LHFPL3: variants seen among roughly 807,000 people sequenced by gnomAD.
LHFPL3 encodes LHFPL tetraspan subfamily member 3 protein.
Under a neutral mutation model 19.3 loss-of-function variants are expected in LHFPL3, and 5 were observed. The ratio of observed to expected loss-of-function variants is 0.26; its 90% CI spans 0.14 to 0.54. LHFPL3 has a LOEUF of 0.54. Ranked by LOEUF, LHFPL3 falls within the 20% of genes least tolerant of loss-of-function variation. The probability of loss-of-function intolerance (pLI) is 0.94; values close to 1 mark genes in which losing one functional copy is unlikely to be tolerated. For synonymous variants in LHFPL3, 133 were observed against 126.2 expected, an observed-to-expected ratio of 1.05 and a Z score of -0.36; for missense variants, 249 against 307.4, an observed-to-expected ratio of 0.81 and a Z score of 1.42.
chr7:104,647,391 C>T (rs1235427995), intron 1 of LHFPL3, among the ~76,000 whole-genome samples: 1 of 152,164 alleles, frequency 6.6e-6, no homozygotes, highest in Admixed American at 6.5e-5. Flanking sequence ...GAAAAGTATT[C>T]ATCCAGCCTC....
rs532413261 is a variant in LHFPL3, at chr7:104,821,131, G to T, written c.682+84220G>T. Among the ~76,000 whole-genome samples, 13 of 152,286 alleles carry T rather than the reference G, an allele frequency of 8.5e-5. 1 individual carries two copies. In the South Asian group the frequency reaches 2.5e-3, roughly 29 times the overall value. ...CATGCTTTCTGCTTTTAAAAAAAAT[G>T]TCGTTATGTAGTGTTCAATTTTTTA... On this transcript the variant is annotated intron_variant, in intron 2 of 2. Coordinates refer to ENST00000424859, the MANE Select transcript of LHFPL3 (RefSeq NM_199000.3).
intron 1 of LHFPL3, among the ~76,000 whole-genome samples, chr7:104,697,314 A>G (rs1295919336): frequency 6.6e-6 from 1 of 152,220 alleles, no homozygotes; most frequent in African/African-American, 2.4e-5. Context: ...CTTCTGAGCA[A>G]AGATTTATTA....
At chr7:104,329,873 A>G (rs965480055) in intron 1 of LHFPL3, among the ~76,000 whole-genome samples, 2 of 152,236 alleles carry the variant, frequency 1.3e-5, no homozygotes, top group Non-Finnish European at 2.9e-5. Context: ...TCAAGTCTTC[A>G]GTTTGCCTCC....
Position 104,907,306 on chromosome 7 carries a change from ATAATT to A in LHFPL3, c.*1096_*1100del, listed in dbSNP as rs1792639801. 1 of 152,372 alleles carries A rather than the reference ATAATT, an allele frequency of 6.6e-6. No individual in the cohort carries two copies. Among genetic ancestry groups the A allele is most frequent in the Non-Finnish European group, 1.5e-5 (1 of 68,012 alleles). 9.4% of individuals were successfully genotyped at this position (152,372 alleles called of 1,614,324 possible). A position where few individuals can be genotyped will look rare whatever the true frequency, so the allele number is the denominator to read the frequency against. ...GTAAGTGGTACTAACAAAATAAATA[ATAATT>A]TAATAGCCTTAGAAATAAATGACTG... On this transcript the variant is annotated 3_prime_UTR_variant, in exon 3 of 3. Transcript: ENST00000424859.
At chr7:104,824,029 C>T (rs889364375) in intron 2 of LHFPL3, among the ~76,000 whole-genome samples, 11 of 145,236 alleles carry the variant, frequency 7.6e-5, no homozygotes, top group Non-Finnish European at 1.5e-4. Context: ...GCCTATAATC[C>T]CAGCTACTCG....
chr7:104,716,077 G>A (rs563029900), intron 1 of LHFPL3, among the ~76,000 whole-genome samples: 2 of 152,304 alleles, frequency 1.3e-5, no homozygotes, highest in South Asian at 2.1e-4. Context: ...GGCCAGGCAC[G>A]CTGGCTCATG....
intron 1 of LHFPL3, among the ~76,000 whole-genome samples, chr7:104,723,290 A>G (rs569838464): frequency 7.2e-5 from 11 of 152,284 alleles, no homozygotes; most frequent in Non-Finnish European, 1.2e-4. Context: ...GATACCTAAA[A>G]TTGAAATCAT....
At chr7:104,648,832 G>C (rs1479034259) in intron 1 of LHFPL3, among the ~76,000 whole-genome samples, 1 of 152,158 alleles carries the variant, frequency 6.6e-6, no homozygotes, top group Non-Finnish European at 1.5e-5. Context: ...CTGGCCTATG[G>C]CACAATTCTC....
intron 1 of LHFPL3, among the ~76,000 whole-genome samples, chr7:104,648,955 G>A (rs1330777084): frequency 6.6e-6 from 1 of 152,200 alleles, no homozygotes; most frequent in Non-Finnish European, 1.5e-5. Context: ...ACCATAGGAA[G>A]CTCTATGGAC....
intron 1 of LHFPL3, among the ~76,000 whole-genome samples, chr7:104,706,759 A>G (rs1443881049): frequency 1.3e-5 from 2 of 152,184 alleles, no homozygotes; most frequent in Non-Finnish European, 2.9e-5. Flanking sequence ...TTATATGGGA[A>G]AAGGTTTTCT....
At chr7:104,818,914 G>C (rs1442610366) in intron 2 of LHFPL3, among the ~76,000 whole-genome samples, 2 of 151,796 alleles carry the variant, frequency 1.3e-5, no homozygotes, top group African/African-American at 4.8e-5. Flanking sequence ...ATCTCTGGTA[G>C]TGCCATCATA....
rs139505615 is a variant in LHFPL3 at position 104,553,613 on chromosome 7, A to G, written c.446-183062A>G. Among the ~76,000 whole-genome samples the G allele has an allele frequency of 3.0e-3, 451 of 152,254 alleles. 9 individuals carry two copies. The highest frequency in any genetic ancestry group is 0.027 in the Admixed American group (407 of 15,280). On this transcript the variant is annotated intron_variant, in intron 1 of 2. Coordinates refer to ENST00000424859, the MANE Select transcript of LHFPL3 (RefSeq NM_199000.3). ...AGCAGTTTAAACTCATCTATTTCCC[A>G]TTTCTCTTTTCAGTTGAACTTTTCT...
chr7:104,570,287 G>C (rs1375439413), intron 1 of LHFPL3, among the ~76,000 whole-genome samples: 2 of 152,094 alleles, frequency 1.3e-5, no homozygotes, highest in Non-Finnish European at 2.9e-5. Context: ...ACCCCTCCTG[G>C]TGGCACCACA....
chr7:104,670,738 A>C (rs1792461350), intron 1 of LHFPL3, among the ~76,000 whole-genome samples: 1 of 152,150 alleles, frequency 6.6e-6, no homozygotes, highest in African/African-American at 2.4e-5. Context: ...AGGGACAGGG[A>C]CAGTTAAATT....
intron 1 of LHFPL3, among the ~76,000 whole-genome samples, chr7:104,398,351 G>A (rs1791236404): frequency 1.3e-5 from 2 of 152,150 alleles, no homozygotes; most frequent in South Asian, 4.1e-4. Flanking sequence ...ACCTGAATGA[G>A]GAAACACAGA....
At chr7:104,875,149 A>G (rs1791912701) in intron 2 of LHFPL3, among the ~76,000 whole-genome samples, 1 of 152,062 alleles carries the variant, frequency 6.6e-6, no homozygotes, top group South Asian at 2.1e-4. Context: ...GCAGCCCTAT[A>G]TGGTGGTTCT....
At chr7:104,559,904 T>G (rs1318670114) in intron 1 of LHFPL3, among the ~76,000 whole-genome samples, 1 of 147,944 alleles carries the variant, frequency 6.8e-6, no homozygotes, top group Non-Finnish European at 1.5e-5. Context: ...TGTTGAATTT[T>G]GTCAAAGGCT....
At chr7:104,365,796 A>G (rs867876730) in intron 1 of LHFPL3, among the ~76,000 whole-genome samples, 1 of 137,888 alleles carries the variant, frequency 7.3e-6, no homozygotes, top group Admixed American at 7.6e-5. Context: ...TCAAAAAAAA[A>G]AAAAAAAAAG....
intron 1 of LHFPL3, among the ~76,000 whole-genome samples, chr7:104,432,292 C>A (rs924020323): frequency 6.6e-6 from 1 of 152,140 alleles, no homozygotes; most frequent in Non-Finnish European, 1.5e-5. Context: ...GGAAGGAAGT[C>A]AATAGCCAGG....
Sources: gnomAD v4.1 joint callset for allele counts (sites outside exome capture counted in the v4.1 genomes callset) on GRCh38, gnomAD v4.1.1 for gene constraint, MANE v1.5 for transcripts, NCBI Gene and HGNC (gene_info 2026-07-23, HGNC 2026-07-21) for gene names.